Variants in HSD17B2 observed in about 807,000 individuals in gnomAD.
The protein encoded by HSD17B2 is hydroxysteroid 17-beta dehydrogenase 2.
In HSD17B2, 32 loss-of-function variants were observed where a neutral mutation model predicts 26.9. That is an observed-to-expected ratio of 1.19 (90% confidence interval 0.90 to 1.60). The LOEUF is 1.60. Among genes scored for constraint, HSD17B2 ranks in the 40% most tolerant of loss-of-function variants. HSD17B2 has a pLI of 0.00. For synonymous variants in HSD17B2, 246 were observed against 186.7 expected (o/e 1.32, Z -2.59); for missense variants, 613 against 468.6 (o/e 1.31, Z -2.85).
At chr16:82,041,600 T>C (rs1214296707) in intron 1 of HSD17B2, among the ~76,000 whole-genome samples, 2 of 152,238 alleles carry the variant, frequency 1.3e-5, no homozygotes, top group Non-Finnish European at 2.9e-5. Flanking sequence ...GGTGTCCTTC[T>C]AATCACCAGA....
intron 1 of HSD17B2, among the ~76,000 whole-genome samples, chr16:82,066,238 C>T (rs895049242): frequency 2.0e-5 from 3 of 152,324 alleles, no homozygotes; most frequent in Non-Finnish European, 4.4e-5. Flanking sequence ...AAACCACTTA[C>T]ACTCAAGAGC....
intron 1 of HSD17B2, among the ~76,000 whole-genome samples, chr16:82,055,828 G>T (rs558900865): frequency 6.6e-6 from 1 of 152,190 alleles, no homozygotes; most frequent in Admixed American, 6.5e-5. Flanking sequence ...ACAATGCTCT[G>T]GTGTGAGTGA....
intron 4 of HSD17B2, chr16:82,094,348 T>G (rs756670195): frequency 1.3e-5 from 2 of 152,228 alleles, no homozygotes; most frequent in Non-Finnish European, 1.5e-5. Context: ...TTGCTCCAAT[T>G]TATACCTCTA....
At chr16:82,082,006 A>C (rs1904394546) in intron 3 of HSD17B2, among the ~76,000 whole-genome samples, 1 of 152,200 alleles carries the variant, frequency 6.6e-6, no homozygotes, top group Admixed American at 6.5e-5. Flanking sequence ...CAGAAAACCA[A>C]ATACCACATG....
chr16:82,093,806 A>C (rs796786467), intron 4 of HSD17B2: 9 of 152,320 alleles, frequency 5.9e-5, no homozygotes, highest in African/African-American at 2.2e-4. Flanking sequence ...GTATACTTAT[A>C]GTTACTTCTT....
At chr16:82,078,453 A>C (rs928179168) in intron 3 of HSD17B2, among the ~76,000 whole-genome samples, 1 of 152,220 alleles carries the variant, frequency 6.6e-6, no homozygotes, top group African/African-American at 2.4e-5. Flanking sequence ...AAATTAGTAC[A>C]ATTGCTATGG....
chr16:82,060,672 A>T (rs8191113), intron 1 of HSD17B2, among the ~76,000 whole-genome samples: 3,814 of 152,324 alleles, frequency 0.025, 148 homozygotes, highest in African/African-American at 0.085. Flanking sequence ...GTTCTACCAT[A>T]AGAAGTGAGA....
chr16:82,054,452 C>T (rs1035227814), intron 1 of HSD17B2, among the ~76,000 whole-genome samples: 1 of 152,038 alleles, frequency 6.6e-6, no homozygotes, highest in Non-Finnish European at 1.5e-5. Context: ...TCAAGCAATT[C>T]TCCTGCTTCA....
intron 2 of HSD17B2, among the ~76,000 whole-genome samples, chr16:82,068,711 G>A (rs1478374664): frequency 6.6e-6 from 1 of 151,556 alleles, no homozygotes; most frequent in South Asian, 2.1e-4. Context: ...CTCCAGCTTC[G>A]AAAAAAAATA....
chr16:82,057,289 C>A (rs1028591711), intron 1 of HSD17B2, among the ~76,000 whole-genome samples: 8 of 151,944 alleles, frequency 5.3e-5, no homozygotes, highest in African/African-American at 1.9e-4. Flanking sequence ...AGCTCCGCCT[C>A]CTGGGTTCAA....
intron 1 of HSD17B2, among the ~76,000 whole-genome samples, chr16:82,047,063 T>A (rs1913953557): frequency 6.6e-6 from 1 of 152,224 alleles, no homozygotes; most frequent in South Asian, 2.1e-4. Context: ...AAGCTGACTT[T>A]CATTCCTTAA....
intron 1 of HSD17B2, among the ~76,000 whole-genome samples, chr16:82,061,491 T>C (rs1391021741): frequency 1.3e-5 from 2 of 152,144 alleles, no homozygotes; most frequent in Non-Finnish European, 2.9e-5. Flanking sequence ...TGAACCCAGG[T>C]CTCCCAGCTC....
At chr16:82,061,357 T>C (rs910757617) in intron 1 of HSD17B2, among the ~76,000 whole-genome samples, 1 of 152,292 alleles carries the variant, frequency 6.6e-6, no homozygotes, top group East Asian at 1.9e-4. Context: ...AATTATTTAA[T>C]CCTTCGAACA....
At chr16:82,060,433 G>C (rs925999129) in intron 1 of HSD17B2, among the ~76,000 whole-genome samples, 2 of 152,144 alleles carry the variant, frequency 1.3e-5, no homozygotes, top group African/African-American at 4.8e-5. Flanking sequence ...CCCCATCAGA[G>C]GGGGAGCCCC....
intron 3 of HSD17B2, among the ~76,000 whole-genome samples, chr16:82,075,846 T>C (rs1904298507): frequency 6.8e-6 from 1 of 147,324 alleles, no homozygotes; most frequent in Admixed American, 6.8e-5. Flanking sequence ...GTGGAGGGAA[T>C]ACTTCCAAAC....
intron 1 of HSD17B2, among the ~76,000 whole-genome samples, chr16:82,049,829 G>C (rs1248745429): frequency 1.3e-5 from 2 of 152,260 alleles, no homozygotes. Flanking sequence ...CCTTTGGTAA[G>C]GCACAAAGGT....
At chr16:82,092,814 A>T (rs903962716) in intron 4 of HSD17B2, 15 of 152,262 alleles carry the variant, frequency 9.9e-5, no homozygotes, top group African/African-American at 3.4e-4. Flanking sequence ...CTGGGATACA[A>T]AGAGAGGGAA....
intron 1 of HSD17B2, among the ~76,000 whole-genome samples, chr16:82,058,212 G>A (rs1244362686): frequency 2.6e-5 from 4 of 151,780 alleles, no homozygotes; most frequent in Non-Finnish European, 5.9e-5. Context: ...CTGGGGCCAG[G>A]GGCGTATGCC....
chr16:82,098,524 C>A lies in HSD17B2; in HGVS notation c.*88C>A. The A allele has an allele frequency of 6.5e-6, 9 of 1,391,280 alleles. No homozygotes were observed. The highest frequency in any genetic ancestry group is 8.7e-6 in the Non-Finnish European group (9 of 1,031,264). 86.2% of individuals were successfully genotyped at this position (1,391,280 alleles called of 1,614,324 possible). On this transcript the variant is annotated 3_prime_UTR_variant, in exon 5 of 5. Transcript: ENST00000199936. ...ACTGGGTTTCTCATTAAAGTTGTTT[C>A]CCACTCTGTATTCTCTGTGAAATTC...
Sources: allele counts gnomAD v4.1 joint callset (sites outside exome capture counted in the v4.1 genomes callset), GRCh38; gene constraint gnomAD v4.1.1; transcripts MANE v1.5; gene names NCBI Gene and HGNC (gene_info 2026-07-23, HGNC 2026-07-21).